Variants in MCMDC2 observed in about 807,000 individuals in gnomAD.
MCMDC2 encodes minichromosome maintenance domain-containing protein 2.
In MCMDC2, 54 loss-of-function variants were observed where a neutral mutation model predicts 75.8. The observed-to-expected ratio is 0.71, with a 90% confidence interval of 0.57 to 0.89. MCMDC2 has a LOEUF of 0.89. Ranked by LOEUF, MCMDC2 falls within the 40% of genes least tolerant of loss-of-function variation. MCMDC2 has a pLI of 0.00. For missense variants in MCMDC2, 656 were observed against 780.4 expected (o/e 0.84, Z 1.90); for synonymous variants, 249 against 274.6 (o/e 0.91, Z 0.92).
chr8:66,911,631 C>A lies in MCMDC2; in HGVS notation c.1879+6296C>A, dbSNP rs565122756. Among the ~76,000 whole-genome samples the A allele has an allele frequency of 2.3e-3, 356 of 152,202 alleles. 1 individual carries two copies. The highest frequency in any genetic ancestry group is 0.01 in the Middle Eastern group (3 of 294). On this transcript the variant is annotated intron_variant, in intron 14 of 14. Transcript: ENST00000422365. The stretch of plus-strand genomic sequence containing the variant: ...CCTAGATCAGGAGTTCAAGACCAGC[C>A]TGGCCAAGATGATGAAACCCTGTCT...
At chr8:66,881,696 A>T (rs528422485) in intron 8 of MCMDC2, among the ~76,000 whole-genome samples, 7 of 152,346 alleles carry the variant, frequency 4.6e-5, no homozygotes, top group Non-Finnish European at 7.3e-5. Context: ...AAAAGAAAAA[A>T]AAATAAAAAG....
intron 4 of MCMDC2, among the ~76,000 whole-genome samples, chr8:66,875,186 A>AT (rs1388319452): frequency 6.6e-6 from 1 of 152,164 alleles, no homozygotes; most frequent in Middle Eastern, 3.2e-3. Flanking sequence ...TGCATCATCA[A>AT]TTTTTTTCTA....
chr8:66,907,147 C>T (rs1812938553), intron 14 of MCMDC2, among the ~76,000 whole-genome samples: 2 of 151,882 alleles, frequency 1.3e-5, no homozygotes, highest in Admixed American at 6.6e-5. Context: ...TGTGCCATGG[C>T]GGTTTGCTGC....
chr8:66,874,863 A>G (rs552886695), intron 4 of MCMDC2, among the ~76,000 whole-genome samples: 63 of 151,918 alleles, frequency 4.1e-4, no homozygotes, highest in African/African-American at 1.2e-3. Flanking sequence ...GGTTCAAACA[A>G]TCCTGCCTCA....
At chr8:66,903,819 A>G (rs552798434) in intron 13 of MCMDC2, among the ~76,000 whole-genome samples, 1 of 152,264 alleles carries the variant, frequency 6.6e-6, no homozygotes, top group African/African-American at 2.4e-5. Context: ...TTTTAGAAGG[A>G]TCTTGGATGA....
At chr8:66,894,723 TATTAC>T (rs1197635685) in intron 10 of MCMDC2, among the ~76,000 whole-genome samples, 6 of 152,266 alleles carry the variant, frequency 3.9e-5, no homozygotes, top group Admixed American at 2.0e-4. Context: ...GCAATACTAC[TATTAC>T]ATTTTTTGTA....
chr8:66,907,581 A>G (rs772641783), intron 14 of MCMDC2, among the ~76,000 whole-genome samples: 87 of 152,224 alleles, frequency 5.7e-4, no homozygotes, highest in Non-Finnish European at 9.7e-4. Context: ...TCCTTTGGGT[A>G]TATACCCAGT....
In MCMDC2 at chr8:66,920,018, T is replaced by G. The variant is rs1347589819; in HGVS notation, c.*849T>G. On this transcript the variant is annotated 3_prime_UTR_variant, in exon 15 of 15. Coordinates refer to ENST00000422365, the MANE Select transcript of MCMDC2 (RefSeq NM_173518.5). Reference sequence around the variant, plus strand: ...TAACTTTAATAAAAGATCAGTTCTATTCACAGAAAAGCAAAATGTCATTAC... The same window carrying G: ...TAACTTTAATAAAAGATCAGTTCTAGTCACAGAAAAGCAAAATGTCATTAC... 6.6e-6 allele frequency: 1 copy of G among 152,194 alleles called. No homozygotes were observed. The highest frequency in any genetic ancestry group is 1.5e-5 in the Non-Finnish European group (1 of 68,028). 9.4% of individuals were successfully genotyped at this position (152,194 alleles called of 1,614,324 possible).
intron 9 of MCMDC2, 128 bp downstream of exon 9, chr8:66,884,122 C>G (rs1023301103): frequency 1.6e-6 from 1 of 624,852 alleles, no homozygotes; most frequent in African/African-American, 1.8e-5. Flanking sequence ...TTAAATCAAT[C>G]TTTATCAATA....
At chr8:66,903,782 C>G (rs1812799552) in intron 13 of MCMDC2, among the ~76,000 whole-genome samples, 1 of 152,102 alleles carries the variant, frequency 6.6e-6, no homozygotes, top group South Asian at 2.1e-4. Flanking sequence ...TCTAAAGGCT[C>G]TATACATATT....
At chr8:66,871,900 CA>C (rs397939776) in intron 1 of MCMDC2, among the ~76,000 whole-genome samples, 1,868 of 138,428 alleles carry the variant, frequency 0.013, 14 homozygotes, top group Non-Finnish European at 0.02. Context: ...GACCCTGTCT[CA>C]AAAAAAAAAA....
intron 9 of MCMDC2, among the ~76,000 whole-genome samples, chr8:66,888,360 A>G (rs1275531188): frequency 6.6e-6 from 1 of 152,156 alleles, no homozygotes; most frequent in East Asian, 1.9e-4. Context: ...GGGATTGCAG[A>G]TGTGGGTTAC....
At chr8:66,891,530 G>T (rs936439320) in intron 10 of MCMDC2, among the ~76,000 whole-genome samples, 1 of 152,108 alleles carries the variant, frequency 6.6e-6, no homozygotes, top group Non-Finnish European at 1.5e-5. Flanking sequence ...ATCATAAATG[G>T]ATATTGGATT....
intron 14 of MCMDC2, 38 bp from the exon 15 acceptor site, chr8:66,918,965 G>T: frequency 7.2e-7 from 1 of 1,388,584 alleles, no homozygotes; most frequent in Non-Finnish European, 9.5e-7. Flanking sequence ...ATTTTAAGGA[G>T]TATTTGTCAT....
At chr8:66,925,631 G>A (rs2130886688), downstream of MCMDC2, 1 of 152,482 alleles carries the variant, frequency 6.6e-6, no homozygotes, top group South Asian at 2.1e-4. Context: ...GTGCGAAGGG[G>A]GGCTGAGTGC....
chr8:66,874,661 CAT>C lies in MCMDC2; in HGVS notation c.285+77_285+78del. 2.4e-6 allele frequency: 3 copies of C among 1,273,760 alleles called. No homozygotes were observed. The South Asian group carries it at 4.3e-5, about 18-fold the overall frequency. 78.9% of individuals were successfully genotyped at this position (1,273,760 alleles called of 1,614,324 possible). A position where few individuals can be genotyped will look rare whatever the true frequency, so the allele number is the denominator to read the frequency against. The stretch of plus-strand genomic sequence containing the variant: ...ACTTGTAAAAAAATATTTTTATATT[CAT>C]AGACTTTTTATTTAAAAGGATACTA... On this transcript the variant is annotated intron_variant, in intron 4 of 14. Transcript: ENST00000422365.
Position 66,877,410 on chromosome 8 carries a change from G to C in MCMDC2, c.347G>C (p.Cys116Ser). The change falls in exon 5 of 15, where the codon TGT becomes TCT. Residue 116 changes from cysteine to serine, a missense_variant. Cys to Ser is a moderately radical substitution (Grantham distance 112). Transcript: ENST00000422365. Reference sequence around the variant, plus strand: ...CTGCCAAGTTATGGTCTTGATCTTTGTGAGTTTCCACTTGATTATACATCT... The same window carrying C: ...CTGCCAAGTTATGGTCTTGATCTTTCTGAGTTTCCACTTGATTATACATCT... ...PPLPSYGLDL[C>S]EFPLDYTSQR... is the part of the protein sequence containing the mutation. 1 of 1,613,104 alleles carries C rather than the reference G, an allele frequency of 6.2e-7. No homozygotes were observed. The highest frequency in any genetic ancestry group is 8.5e-7 in the Non-Finnish European group (1 of 1,179,484).
At chr8:66,893,851 G>A (rs6995142) in intron 10 of MCMDC2, among the ~76,000 whole-genome samples, 151,115 of 152,342 alleles carry the variant, frequency 0.99, 74,953 homozygotes, top group East Asian at 1. Flanking sequence ...GGAGGGCCTC[G>A]GTACAACTGC....
chr8:66,899,367 T>TA (rs1812517194), intron 12 of MCMDC2, among the ~76,000 whole-genome samples: 1 of 152,068 alleles, frequency 6.6e-6, no homozygotes, highest in Admixed American at 6.5e-5. Context: ...AGAGAGAACT[T>TA]AGAGAGGGTT....
Sources: allele counts gnomAD v4.1 joint callset (sites outside exome capture counted in the v4.1 genomes callset), GRCh38; gene constraint gnomAD v4.1.1; transcripts MANE v1.5; gene names NCBI Gene and HGNC (gene_info 2026-07-23, HGNC 2026-07-21).